Variants in RC3H2 observed in about 807,000 individuals in gnomAD.
RC3H2 encodes roquin-2.
RC3H2 carries 31 observed loss-of-function variants against 133.3 expected under a neutral mutation model. The observed-to-expected ratio is 0.23, with a 90% CI of 0.17 to 0.31. The LOEUF is 0.31. Ranked by LOEUF, RC3H2 falls within the 10% of genes least tolerant of loss-of-function variation. RC3H2 has a pLI of 1.00. For synonymous variants in RC3H2, 517 were observed against 502.2 expected (o/e 1.03, Z -0.40); for missense variants, 1,175 against 1,437.2 (o/e 0.82, Z 2.95).
chr9:122,901,369 A>T (rs1832640071), intron 1 of RC3H2, among the ~76,000 whole-genome samples: 1 of 152,228 alleles, frequency 6.6e-6, no homozygotes, highest in Non-Finnish European at 1.5e-5. Context: ...ATCTCTAGCT[A>T]AAAGACAAGT....
chr9:122,897,528 G>C lies in RC3H2; in HGVS notation c.-19C>G. 6.2e-7 allele frequency: 1 copy of C among 1,606,136 alleles called. No homozygotes were observed. The highest frequency in any genetic ancestry group is 8.5e-7 in the Non-Finnish European group (1 of 1,175,000). On this transcript the variant is annotated 5_prime_UTR_variant, in exon 2 of 21. Coordinates refer to ENST00000357244, the MANE Select transcript of RC3H2 (RefSeq NM_001100588.3). ...CAGGCATTGTGGAAGCTGGATGCTC[G>C]GGTTAGCAGTCTAGCAGATCATTAT...
At chr9:122,867,428 C>G (rs967474886) in intron 9 of RC3H2, among the ~76,000 whole-genome samples, 1 of 148,164 alleles carries the variant, frequency 6.7e-6, no homozygotes, top group East Asian at 2.0e-4. Context: ...GCACCCCGCC[C>G]GGCCAGCCAC....
chr9:122,895,387 C>T (rs564948087), intron 2 of RC3H2, among the ~76,000 whole-genome samples: 1 of 134,314 alleles, frequency 7.4e-6, no homozygotes, highest in South Asian at 2.3e-4. Flanking sequence ...AGGCTAGTCT[C>T]GAACTCCTGG....
At chr9:122,901,532 A>C (rs113837436) in intron 1 of RC3H2, among the ~76,000 whole-genome samples, 3 of 151,826 alleles carry the variant, frequency 2.0e-5, no homozygotes, top group African/African-American at 7.3e-5. Flanking sequence ...TCTTAAATAC[A>C]CTATGTGGTT....
At chr9:122,890,596 A>G (rs886360265) in intron 3 of RC3H2, 51 bp from the exon 4 acceptor site, 1 of 1,435,848 alleles carries the variant, frequency 7.0e-7, no homozygotes, top group Non-Finnish European at 9.5e-7. Flanking sequence ...ATAAAAAATA[A>G]AAGTCAATTT....
At chr9:122,868,209 C>T (rs62580921) in intron 9 of RC3H2, among the ~76,000 whole-genome samples, 2 of 152,112 alleles carry the variant, frequency 1.3e-5, no homozygotes, top group South Asian at 4.1e-4. Flanking sequence ...TGAGGAGCCC[C>T]TCTGCCCGGC....
intron 11 of RC3H2, 79 bp from the exon 12 acceptor site, chr9:122,859,181 C>T (rs7861476): frequency 2.6e-6 from 3 of 1,156,970 alleles, no homozygotes; most frequent in Non-Finnish European, 3.6e-6. Context: ...TCTAAGGCAG[C>T]CCTTAATGTA....
intron 5 of RC3H2, among the ~76,000 whole-genome samples, chr9:122,881,241 C>T (rs1024563609): frequency 4.6e-5 from 7 of 152,080 alleles, no homozygotes; most frequent in East Asian, 1.9e-4. Context: ...AATCCCAGCA[C>T]TTTGAGAGGC....
intron 10 of RC3H2, 147 bp from the exon 11 acceptor site, chr9:122,860,278 T>G: frequency 1.6e-6 from 1 of 625,698 alleles, no homozygotes; most frequent in South Asian, 2.1e-5. Context: ...GGCAATGAAT[T>G]TCACTGCCAC....
chr9:122,875,322 C>T lies in RC3H2; in HGVS notation c.1325+2149G>A, dbSNP rs1006987860. 1.9e-6 allele frequency: 3 copies of T among 1,550,500 alleles called. No individual in the cohort carries two copies. The African/African-American group carries it at 4.1e-5, about 21-fold the overall frequency. ...TTATGTACAGTGCCCAAGCTAGCCACTGAGGAAAGGAGACAACAATGAAGA... is the reference window on the plus strand; with the variant it reads ...TTATGTACAGTGCCCAAGCTAGCCATTGAGGAAAGGAGACAACAATGAAGA... On this transcript the variant is annotated intron_variant, in intron 9 of 20. Transcript: ENST00000357244.
chr9:122,851,593 C>T (rs1830020968), intron 18 of RC3H2, 157 bp from the exon 19 acceptor site: 1 of 950,882 alleles, frequency 1.1e-6, no homozygotes, highest in Non-Finnish European at 1.5e-6. Context: ...CTGCAACCTC[C>T]CTGCCTGATT....
chr9:122,891,275 G>A (rs1454790381), intron 3 of RC3H2, among the ~76,000 whole-genome samples: 1 of 151,952 alleles, frequency 6.6e-6, no homozygotes, highest in Non-Finnish European at 1.5e-5. Flanking sequence ...TGCCCGCCTC[G>A]GCCTCTCAAA....
intron 1 of RC3H2, among the ~76,000 whole-genome samples, chr9:122,901,287 C>A (rs983573804): frequency 1.3e-5 from 2 of 152,120 alleles, no homozygotes; most frequent in African/African-American, 4.8e-5. Context: ...ACAGTACTTC[C>A]CCGTTTAGAA....
chr9:122,879,654 A>T, intron 8 of RC3H2, 101 bp downstream of exon 8: 1 of 748,814 alleles, frequency 1.3e-6, no homozygotes, highest in Non-Finnish European at 2.2e-6. Context: ...GAAACTTATG[A>T]GTCACATACG....
intron 8 of RC3H2, 116 bp from the exon 9 acceptor site, chr9:122,877,699 G>C: frequency 1.3e-6 from 1 of 746,690 alleles, no homozygotes; most frequent in Non-Finnish European, 2.3e-6. Flanking sequence ...CATTAGACAA[G>C]TAATTCTTGT....
rs1232085714 is a variant in RC3H2 at position 122,859,957 on chromosome 9, C to T, written c.1809G>A (p.Arg603=). Residue 603 remains arginine (R), a synonymous_variant, in exon 11 of 21, where the codon AGG becomes AGA. Transcript: ENST00000357244. ...GTGGGACTTCAAAGGGTATCTGAGT[C>T]CTTGGATCTTGAAAATACTGAATGT... ...SENIQYFQDP[R]TQIPFEVPQY... is the part of the protein sequence containing the mutation. The T allele has an allele frequency of 5.0e-6, 8 of 1,613,860 alleles. No homozygotes were observed. The highest frequency in any genetic ancestry group is 6.8e-6 in the Non-Finnish European group (8 of 1,179,970).
chr9:122,859,023 T>A lies in RC3H2; in HGVS notation c.1929A>T (p.Pro643=). The change falls in exon 12 of 21, where the codon CCA becomes CCT. Residue 643 remains proline, a synonymous_variant. Transcript: ENST00000357244. ...TGGAAGCAGGTGGGAGGGAGGACTC[T>A]GGAACGTTATTGGACCTCACAAAGC... ...VPRFVRSNNV[P]ESSLPPASMP... is the part of the protein sequence containing the mutation. The A allele has an allele frequency of 6.2e-7, 1 of 1,613,674 alleles. No individual in the cohort carries two copies. Among genetic ancestry groups the A allele is most frequent in the Non-Finnish European group, 8.5e-7 (1 of 1,179,686 alleles).
intron 3 of RC3H2, among the ~76,000 whole-genome samples, chr9:122,891,601 T>A (rs567255446): frequency 4.6e-5 from 7 of 152,308 alleles, no homozygotes; most frequent in African/African-American, 1.7e-4. Context: ...TGATTACTCA[T>A]TACTCCTTTA....
At chr9:122,888,314 A>G (rs1832017704) in intron 4 of RC3H2, among the ~76,000 whole-genome samples, 1 of 152,170 alleles carries the variant, frequency 6.6e-6, no homozygotes, top group Non-Finnish European at 1.5e-5. Context: ...ATTTTTAGGT[A>G]TTATTTTGAT....
Sources: gnomAD v4.1 joint callset for allele counts (sites outside exome capture counted in the v4.1 genomes callset) on GRCh38, gnomAD v4.1.1 for gene constraint, MANE v1.5 for transcripts, NCBI Gene and HGNC (gene_info 2026-07-23, HGNC 2026-07-21) for gene names.